The following PTCHD1 variants were observed in gnomAD, a reference collection of about 807,000 sequenced individuals.
The protein encoded by PTCHD1 is patched domain containing 1.
In PTCHD1, 3 loss-of-function variants were observed where a neutral mutation model predicts 34.6. That is an observed-to-expected ratio of 0.09 (90% CI 0.04 to 0.22). PTCHD1 has a LOEUF of 0.22. PTCHD1 is among the 10% of genes least tolerant of loss of function. The pLI is 1.00. For synonymous variants in PTCHD1, 305 were observed against 283.1 expected (o/e 1.08, Z -0.77); for missense variants, 504 against 685.5 (o/e 0.74, Z 2.96).
In PTCHD1 at chrX:23,400,451, C is replaced by A. The variant is rs1178766691; in HGVS notation, c.*6266C>A. On this transcript the variant is annotated 3_prime_UTR_variant, in exon 3 of 3. Transcript: ENST00000379361. ...CGAGATTTCACCACTGCCCTCCAGA[C>A]TGGCAACAGAGTGAGACTTCGTCTC... 1 of 112,875 alleles carries A rather than the reference C, an allele frequency of 8.9e-6. No individual in the cohort carries two copies. The highest frequency in any genetic ancestry group is 1.9e-5 in the Non-Finnish European group (1 of 53,383). The allele number at this position is 112,875 out of a possible 1,213,427, so 9.3% of individuals were successfully genotyped here.
intron 1 of PTCHD1, among the ~76,000 whole-genome samples, chrX:23,367,606 C>A (rs1014483409): frequency 3.1e-4 from 34 of 111,216 alleles, no homozygotes; most frequent in Non-Finnish European, 5.3e-4. Context: ...AAGTAGCAAG[C>A]AAAACCAGGC....
At position 23,380,140 on chromosome X, in the gene PTCHD1, C is replaced by T; in HGVS notation, c.901C>T (p.Leu301=). The change falls in exon 2 of 3, where the codon CTG becomes TTG. Residue 301 remains leucine, a synonymous_variant. Transcript: ENST00000379361. The stretch of plus-strand genomic sequence containing the variant: ...CGTCCGCAGCAAACCCTGGCTAGGC[C>T]TGCTCGGATTGGTGACCATAAGCCT... The part of the protein sequence containing the change: ...DCVRSKPWLG[L]LGLVTISLAT... 8.3e-7 allele frequency: 1 copy of T among 1,211,544 alleles called. No individual in the cohort carries two copies. The highest frequency in any genetic ancestry group is 1.1e-6 in the Non-Finnish European group (1 of 895,213).
chrX:23,373,184 C>G (rs1447883384), intron 1 of PTCHD1, among the ~76,000 whole-genome samples: 2 of 112,727 alleles, frequency 1.8e-5, no homozygotes, highest in African/African-American at 6.4e-5. Flanking sequence ...TTTTTTCAGC[C>G]AAGCCTGCAA....
intron 2 of PTCHD1, among the ~76,000 whole-genome samples, chrX:23,387,765 GT>G (rs1922721915): frequency 9.0e-6 from 1 of 111,487 alleles, no homozygotes; most frequent in Admixed American, 9.6e-5. Flanking sequence ...GTGTGTATGT[GT>G]TTTTACATAC....
At chrX:23,338,178 G>C (rs748130989) in intron 1 of PTCHD1, among the ~76,000 whole-genome samples, 1 of 111,911 alleles carries the variant, frequency 8.9e-6, no homozygotes, top group Non-Finnish European at 1.9e-5. Context: ...ACAGGGCAAC[G>C]ATGCATTATT....
chrX:23,359,258 T>C (rs895102701), intron 1 of PTCHD1, among the ~76,000 whole-genome samples: 1 of 112,478 alleles, frequency 8.9e-6, no homozygotes, highest in Non-Finnish European at 1.9e-5. Context: ...ATTTTCACAA[T>C]ATTGATTCTT....
intron 1 of PTCHD1, among the ~76,000 whole-genome samples, chrX:23,362,345 T>C (rs1922011599): frequency 1.8e-5 from 2 of 112,172 alleles, no homozygotes; most frequent in Non-Finnish European, 3.8e-5. Context: ...CTTTGTTCGT[T>C]TCTTTTTACT....
At chrX:23,335,316 C>T (rs1179739248) in intron 1 of PTCHD1, 90 bp downstream of exon 1, 4 of 756,132 alleles carry the variant, frequency 5.3e-6, no homozygotes, top group Non-Finnish European at 8.0e-6. Flanking sequence ...AGAGCGCCAC[C>T]TCTCCTAGCC....
Position 23,394,182 on chromosome X carries a change from G to A in PTCHD1, c.2664G>A (p.Val888=). 3 of 1,174,999 alleles carry A rather than the reference G, an allele frequency of 2.6e-6. No individual in the cohort carries two copies. Among genetic ancestry groups the A allele is most frequent in the Non-Finnish European group, 3.5e-6 (3 of 864,200 alleles). ...GTGTGGTTGACCAAATTACAACAGTGTGATAATGTCTGCTTGGCATATTTT... is the reference window on the plus strand; with the variant it reads ...GTGTGGTTGACCAAATTACAACAGTATGATAATGTCTGCTTGGCATATTTT... ...STRVVDQITT[V] Residue 888 remains valine (V), a synonymous_variant, in exon 3 of 3, where the codon GTG becomes GTA. Transcript: ENST00000379361.
At chrX:23,390,329 GAAAAAAAAA>G (rs754868031) in intron 2 of PTCHD1, among the ~76,000 whole-genome samples, 2 of 69,545 alleles carry the variant, frequency 2.9e-5, no homozygotes, top group Admixed American at 3.3e-4. Flanking sequence ...ATGGCCCCAG[GAAAAAAAAA>G]AAAAAAACAA....
chrX:23,367,186 A>G (rs1227851549), intron 1 of PTCHD1, among the ~76,000 whole-genome samples: 1 of 112,068 alleles, frequency 8.9e-6, no homozygotes, highest in Non-Finnish European at 1.9e-5. Context: ...AATGCCCAGT[A>G]TGGTGTAGTC....
rs188586355 is a variant in PTCHD1, at chrX:23,351,402, C to T, written c.351+16176C>T. On this transcript the variant is annotated intron_variant, in intron 1 of 2. Coordinates refer to ENST00000379361, the MANE Select transcript of PTCHD1 (RefSeq NM_173495.3). ...TGCAAAATATGTTTCTGAAATGGTA[C>T]GAAAACTTTCAAAGATGACTAGCAC... The T allele has an allele frequency of 7.1e-4, 443 of 621,645 alleles. No homozygotes were observed. The African/African-American group carries it at 8.3e-3, about 12-fold the overall frequency. The allele number at this position is 621,645 out of a possible 1,213,427, so 51.2% of individuals were successfully genotyped here. A position where few individuals can be genotyped will look rare whatever the true frequency, so the allele number is the denominator to read the frequency against.
intron 1 of PTCHD1, among the ~76,000 whole-genome samples, chrX:23,376,017 G>A (rs1922405525): frequency 9.0e-6 from 1 of 111,663 alleles, no homozygotes; most frequent in Non-Finnish European, 1.9e-5. Context: ...CACTGGTTCG[G>A]GCTTTACTAG....
chrX:23,369,012 C>G (rs921615632), intron 1 of PTCHD1, among the ~76,000 whole-genome samples: 1 of 111,404 alleles, frequency 9.0e-6, no homozygotes. Flanking sequence ...TGCAGTGAGT[C>G]GAGATCATGC....
At chrX:23,347,099 C>A (rs1388288561) in intron 1 of PTCHD1, among the ~76,000 whole-genome samples, 1 of 111,931 alleles carries the variant, frequency 8.9e-6, no homozygotes, top group African/African-American at 3.2e-5. Context: ...GGTTCTTTCC[C>A]ATTTCAGCCC....
At chrX:23,371,694 T>C (rs1269984223) in intron 1 of PTCHD1, among the ~76,000 whole-genome samples, 2 of 111,098 alleles carry the variant, frequency 1.8e-5, no homozygotes, top group Non-Finnish European at 3.8e-5. Flanking sequence ...TCTAACCTCA[T>C]AACCCATGTC....
At chrX:23,346,911 T>C (rs1016989283) in intron 1 of PTCHD1, among the ~76,000 whole-genome samples, 16 of 112,322 alleles carry the variant, frequency 1.4e-4, no homozygotes, top group Non-Finnish European at 2.4e-4. Context: ...CTGTGAACTA[T>C]TAATGTGTCC....
intron 1 of PTCHD1, among the ~76,000 whole-genome samples, chrX:23,358,517 G>C (rs956005245): frequency 1.8e-5 from 2 of 111,817 alleles, no homozygotes; most frequent in Non-Finnish European, 3.8e-5. Flanking sequence ...TTGTAAATTT[G>C]TTTGAGTTCA....
rs993681742 is a variant in PTCHD1 at position 23,392,012 on chromosome X, A to G, written c.1013-519A>G. ...GCTGGGACTACAGATATGAGCCACT[A>G]TTCCTGGCTAAGTTGTTTCATTTTC... On this transcript the variant is annotated intron_variant, in intron 2 of 2. Transcript: ENST00000379361. 4.0e-5 allele frequency among the ~76,000 whole-genome samples: 4 copies of G among 100,828 alleles called. No homozygotes were observed. In the South Asian group the frequency reaches 1.8e-3, roughly 45 times the overall value. 87.6% of individuals were successfully genotyped at this position (100,828 alleles called of 115,157 possible). A position where few individuals can be genotyped will look rare whatever the true frequency, so the allele number is the denominator to read the frequency against.
Sources: allele counts gnomAD v4.1 joint callset (sites outside exome capture counted in the v4.1 genomes callset), GRCh38; gene constraint gnomAD v4.1.1; transcripts MANE v1.5; gene names NCBI Gene and HGNC (gene_info 2026-07-23, HGNC 2026-07-21).